The following ATP6V0E2 variants were observed in gnomAD, a reference collection of about 807,000 sequenced individuals.
ATP6V0E2 encodes ATPase H+ transporting V0 subunit e2, also known as V-type proton ATPase subunit e 2.
Under a neutral mutation model 11.5 loss-of-function variants are expected in ATP6V0E2, and 4 were observed. The ratio of observed to expected loss-of-function variants is 0.35; its 90% CI spans 0.17 to 0.80. The LOEUF is 0.80. Ranked by LOEUF, ATP6V0E2 falls within the 30% of genes least tolerant of loss-of-function variation. ATP6V0E2 has a pLI of 0.53. For synonymous variants in ATP6V0E2, 52 were observed against 51.0 expected, an observed-to-expected ratio of 1.02 and a Z score of -0.09; for missense variants, 93 against 113.5, an observed-to-expected ratio of 0.82 and a Z score of 0.82.
rs768681714 is a variant in ATP6V0E2 at position 149,879,359 on chromosome 7, G to A, written c.*44G>A. ...GGTGCCCAGCTCTCGGAATGACTGT[G>A]GCTCCACTGTCCCTGACAACCCCTT... On this transcript the variant is annotated 3_prime_UTR_variant, in exon 4 of 4. Coordinates refer to ENST00000425642, the MANE Select transcript of ATP6V0E2 (RefSeq NM_145230.4). 2 of 1,558,332 alleles carry A rather than the reference G, an allele frequency of 1.3e-6. No homozygotes were observed. Among genetic ancestry groups the A allele is most frequent in the South Asian group, 2.4e-5 (2 of 83,268 alleles).
rs376085604 is a variant in ATP6V0E2 at position 149,878,796 on chromosome 7, G to A, written c.*19+6G>A. 8.5e-4 allele frequency: 1,369 copies of A among 1,611,208 alleles called. 5 individuals carry two copies. The African/African-American group carries it at 0.017, about 20-fold the overall frequency. On this transcript the variant is annotated splice_donor_region_variant and intron_variant, in intron 3 of 3. Coordinates refer to ENST00000425642, the MANE Select transcript of ATP6V0E2 (RefSeq NM_145230.4). ...ACCCGCCGCCCCCGACCCAGGTACT[G>A]TGTGGGCGAGGGGTGTGGGTGGGGA...
At chr7:149,876,293 T>G (rs943451499) in intron 2 of ATP6V0E2, among the ~76,000 whole-genome samples, 1 of 152,188 alleles carries the variant, frequency 6.6e-6, no homozygotes, top group African/African-American at 2.4e-5. Context: ...GGAGAATCGC[T>G]TGAACCCGGG....
In ATP6V0E2 at chr7:149,880,062, T is replaced by G; in HGVS notation, c.*747T>G. ...TCCGAGCACAGTGCAGGTTTGGCTC[T>G]GACTTGGGCTTTTGGCTGCAGTGGG... On this transcript the variant is annotated 3_prime_UTR_variant, in exon 4 of 4. Transcript: ENST00000425642. 1 of 169,344 alleles carries G rather than the reference T, an allele frequency of 5.9e-6. No individual in the cohort carries two copies. The highest frequency in any genetic ancestry group is 1.3e-5 in the Non-Finnish European group (1 of 79,938). 10.5% of individuals were successfully genotyped at this position (169,344 alleles called of 1,614,324 possible).
At chr7:149,878,242 C>CA (rs1230248336) in intron 2 of ATP6V0E2, among the ~76,000 whole-genome samples, 1 of 152,200 alleles carries the variant, frequency 6.6e-6, no homozygotes, top group Non-Finnish European at 1.5e-5. Flanking sequence ...GTCAGCTCCT[C>CA]ACGTCTTGGG....
chr7:149,873,786 A>G, upstream of ATP6V0E2: 3 of 1,282,296 alleles, frequency 2.3e-6, no homozygotes, highest in Non-Finnish European at 3.1e-6. Flanking sequence ...CGGACCCTAT[A>G]ACCCATCGCC....
At chr7:149,874,191 T>G in intron 1 of ATP6V0E2, 22 bp downstream of exon 1, 4 of 1,540,336 alleles carry the variant, frequency 2.6e-6, no homozygotes, top group Non-Finnish European at 3.5e-6. Flanking sequence ...GCGCAGGCCC[T>G]GCAGACCTCT....
upstream of ATP6V0E2, chr7:149,873,659 C>G (rs746219729): frequency 3.1e-4 from 118 of 385,906 alleles, no homozygotes; most frequent in Non-Finnish European, 1.8e-4. Context: ...CGAGCCGGCG[C>G]GGCGCGTGAA....
chr7:149,877,742 C>T (rs10226390), intron 2 of ATP6V0E2, among the ~76,000 whole-genome samples: 46,039 of 151,722 alleles, frequency 0.3, 7,115 homozygotes, highest in African/African-American at 0.33. Context: ...ACACAAGATG[C>T]GGGGTAATCC....
In ATP6V0E2 at chr7:149,874,293, C is replaced by T. The variant is rs182994409; in HGVS notation, c.104+124C>T. 2.6e-3 allele frequency: 3,353 copies of T among 1,284,164 alleles called. 6 individuals carry two copies. The highest frequency in any genetic ancestry group is 3.3e-3 in the Non-Finnish European group (3,190 of 961,242). 79.5% of individuals were successfully genotyped at this position (1,284,164 alleles called of 1,614,324 possible). A position where few individuals can be genotyped will look rare whatever the true frequency, so the allele number is the denominator to read the frequency against. On this transcript the variant is annotated intron_variant, in intron 1 of 3. Transcript: ENST00000425642. ...GCGTCCGCAGGAGGGACGCCAGGAC[C>T]CCGGACGCCACCTCTGAGGTCTCTC...
chr7:149,873,660 G>T (rs1235272399), upstream of ATP6V0E2: 2 of 387,414 alleles, frequency 5.2e-6, no homozygotes, highest in Non-Finnish European at 8.9e-6. Context: ...GAGCCGGCGC[G>T]GCGCGTGAAG....
intron 1 of ATP6V0E2, 83 bp from the exon 2 acceptor site, chr7:149,875,515 G>C (rs1175193213): frequency 1.2e-5 from 16 of 1,369,132 alleles, no homozygotes; most frequent in Non-Finnish European, 1.7e-5. Flanking sequence ...GCTCACACCA[G>C]GAGCTCTTCT....
At chr7:149,873,963 A>G (rs1441619725), upstream of ATP6V0E2, 24 of 1,544,924 alleles carry the variant, frequency 1.6e-5, no homozygotes, top group Non-Finnish European at 2.0e-5. Flanking sequence ...CGGGTGCTCG[A>G]CTCCTGTTGC....
chr7:149,874,086 C>T lies in ATP6V0E2; in HGVS notation c.21C>T (p.Ala7=), dbSNP rs1331351926. The T allele has an allele frequency of 1.0e-5, 16 of 1,550,070 alleles. No homozygotes were observed. The highest frequency in any genetic ancestry group is 1.4e-5 in the Non-Finnish European group (16 of 1,146,662). The change falls in exon 1 of 4, where the codon GCC becomes GCT. Residue 7 remains alanine (A), a synonymous_variant. Coordinates refer to ENST00000425642, the MANE Select transcript of ATP6V0E2 (RefSeq NM_145230.4). MTAHSF[A]LPVIIFTTFW... ...CGGCCATGACGGCGCACTCATTCGC[C>T]CTCCCGGTCATCATCTTCACCACGT...
chr7:149,876,259 C>G (rs1049053203), intron 2 of ATP6V0E2, among the ~76,000 whole-genome samples: 11 of 152,180 alleles, frequency 7.2e-5, no homozygotes, highest in African/African-American at 2.7e-4. Context: ...GCCTGTAGTC[C>G]CAGCTACTCA....
intron 2 of ATP6V0E2, 182 bp downstream of exon 2, chr7:149,875,827 T>C (rs532694680): frequency 4.4e-6 from 3 of 683,076 alleles, no homozygotes; most frequent in East Asian, 2.7e-5. Flanking sequence ...CCAGAAGTCA[T>C]GAACCCTGGG....
At position 149,878,796 on chromosome 7, in the gene ATP6V0E2, G is replaced by C; in HGVS notation, c.*19+6G>C. 1.2e-6 allele frequency: 2 copies of C among 1,611,208 alleles called. No individual in the cohort carries two copies. Among genetic ancestry groups the C allele is most frequent in the Non-Finnish European group, 8.5e-7 (1 of 1,179,314 alleles). ...ACCCGCCGCCCCCGACCCAGGTACT[G>C]TGTGGGCGAGGGGTGTGGGTGGGGA... On this transcript the variant is annotated splice_donor_region_variant and intron_variant, in intron 3 of 3. Coordinates refer to ENST00000425642, the MANE Select transcript of ATP6V0E2 (RefSeq NM_145230.4).
At chr7:149,877,693 TTG>T (rs1332023128) in intron 2 of ATP6V0E2, among the ~76,000 whole-genome samples, 3 of 152,042 alleles carry the variant, frequency 2.0e-5, no homozygotes, top group African/African-American at 7.2e-5. Context: ...TCAGAGGGGC[TTG>T]TGTTTGGTGG....
chr7:149,877,174 C>T (rs527303389), intron 2 of ATP6V0E2, among the ~76,000 whole-genome samples: 3 of 152,104 alleles, frequency 2.0e-5, no homozygotes, highest in Non-Finnish European at 4.4e-5. Context: ...GACAGGTGCA[C>T]ACCATTGCAC....
rs1803385052 is a variant in ATP6V0E2 at position 149,880,128 on chromosome 7, A to AGAG, written c.*814_*816dup. On this transcript the variant is annotated 3_prime_UTR_variant, in exon 4 of 4. Coordinates refer to ENST00000425642, the MANE Select transcript of ATP6V0E2 (RefSeq NM_145230.4). ...CTCTCATGGCAGCATCTAAGTGACCAGAGCTGGGATGAGAGAGGGGAAGGG... is the reference window on the plus strand; with the variant it reads ...CTCTCATGGCAGCATCTAAGTGACCAGAGGAGCTGGGATGAGAGAGGGGAAGGG... 1 of 154,318 alleles carries AGAG rather than the reference A, an allele frequency of 6.5e-6. No individual in the cohort carries two copies. The highest frequency in any genetic ancestry group is 2.4e-5 in the African/African-American group (1 of 41,538). 9.6% of individuals were successfully genotyped at this position (154,318 alleles called of 1,614,324 possible).
Sources: gnomAD v4.1 joint callset for allele counts (sites outside exome capture counted in the v4.1 genomes callset) on GRCh38, gnomAD v4.1.1 for gene constraint, MANE v1.5 for transcripts, NCBI Gene and HGNC (gene_info 2026-07-23, HGNC 2026-07-21) for gene names.